Variants in DRC4 observed in about 807,000 individuals in gnomAD.
DRC4 encodes GAS-11.
chr16:90,042,508 G>A, the DRC4 span: 4 of 1,613,860 alleles, frequency 2.5e-6, no homozygotes, highest in Non-Finnish European at 3.4e-6. Context: ...TCAAGGACCT[G>A]CAGTATGAGC....
At chr16:90,036,013 G>A in the DRC4 span, 3 of 982,984 alleles carry the variant, frequency 3.1e-6, no homozygotes, top group Non-Finnish European at 2.8e-6. Flanking sequence ...CCTGGTCTGA[G>A]AAGGCTCCAA....
At chr16:90,036,846 T>C in the DRC4 span, 1 of 615,838 alleles carries the variant, frequency 1.6e-6, no homozygotes, top group East Asian at 2.9e-5. Flanking sequence ...TTCTGGTTTG[T>C]AAAAGCTCAG....
At chr16:90,036,983 C>T in the DRC4 span, 13 of 567,354 alleles carry the variant, frequency 2.3e-5, no homozygotes, top group African/African-American at 5.6e-5. Context: ...CAGTAGACAA[C>T]GGCCCTTGGT....
chr16:90,040,498 C>A, the DRC4 span: 1 of 1,600,904 alleles, frequency 6.2e-7, no homozygotes. Flanking sequence ...GCTGGTGTCC[C>A]GCAAGCTGGA....
the DRC4 span, chr16:90,033,046 A>G: frequency 9.8e-7 from 1 of 1,020,952 alleles, no homozygotes; most frequent in Non-Finnish European, 1.4e-6. Flanking sequence ...GACTTTCTGC[A>G]TTTTTGCAAT....
the DRC4 span, chr16:90,029,230 C>T: frequency 4.4e-6 from 6 of 1,366,436 alleles, no homozygotes; most frequent in South Asian, 6.8e-5. Flanking sequence ...GGCCCTTGCA[C>T]TGCACATCGC....
the DRC4 span, chr16:90,037,172 G>A: frequency 1.3e-6 from 2 of 1,506,106 alleles, no homozygotes; most frequent in South Asian, 2.7e-5. Flanking sequence ...CACCATGCAG[G>A]CCACAGCCCC....
the DRC4 span, among the ~76,000 whole-genome samples, chr16:90,038,433 G>A: frequency 3.9e-5 from 6 of 152,206 alleles, no homozygotes; most frequent in African/African-American, 7.2e-5. Flanking sequence ...TTGGTGCTGC[G>A]TTTTGTGAAC....
the DRC4 span, chr16:90,029,142 G>A: frequency 9.7e-6 from 13 of 1,336,630 alleles, no homozygotes; most frequent in Middle Eastern, 4.2e-4. Flanking sequence ...TGGAGCCTAC[G>A]GGGCAGCCTA....
At chr16:90,044,317 C>T in the DRC4 span, 1 of 421,482 alleles carries the variant, frequency 2.4e-6, no homozygotes, top group Non-Finnish European at 4.7e-6. Context: ...CGGGTGTGTC[C>T]TCGTAGAGTC....
the DRC4 span, among the ~76,000 whole-genome samples, chr16:90,038,392 T>C: frequency 6.6e-6 from 1 of 152,236 alleles, no homozygotes; most frequent in African/African-American, 2.4e-5. Flanking sequence ...AGGCTGCACA[T>C]AGGAAGCGGT....
At chr16:90,036,152 CA>C in the DRC4 span, 171 of 584,160 alleles carry the variant, frequency 2.9e-4, no homozygotes, top group Middle Eastern at 9.1e-4. Context: ...GAGCGATTAG[CA>C]ATGCCTGTCA....
the DRC4 span, chr16:90,035,642 G>A: frequency 4.3e-6 from 7 of 1,614,168 alleles, no homozygotes; most frequent in African/African-American, 1.3e-5. Context: ...GAAACACACC[G>A]AGGAGATCAC....
the DRC4 span, chr16:90,032,637 T>C: frequency 2.3e-6 from 3 of 1,315,524 alleles, no homozygotes; most frequent in South Asian, 1.2e-5. Flanking sequence ...AGGTGTGCTA[T>C]GGGTGACCAG....
chr16:90,031,579 C>A, the DRC4 span: 1 of 1,396,358 alleles, frequency 7.2e-7, no homozygotes, highest in Non-Finnish European at 9.7e-7. Flanking sequence ...GCAGGTGGGA[C>A]ATTTTCTGTT....
At chr16:90,036,880 A>G in the DRC4 span, 1 of 582,824 alleles carries the variant, frequency 1.7e-6, no homozygotes, top group Non-Finnish European at 3.1e-6. Context: ...GAGGGCCGTG[A>G]TGTGGCTGGA....
the DRC4 span, among the ~76,000 whole-genome samples, chr16:90,039,318 G>A: frequency 0.32 from 48,026 of 152,100 alleles, 8,355 homozygotes; most frequent in Middle Eastern, 0.44. Context: ...CTAGAGAACC[G>A]AGAGCTCAAA....
the DRC4 span, among the ~76,000 whole-genome samples, chr16:90,026,429 C>T: frequency 6.6e-6 from 1 of 152,152 alleles, no homozygotes; most frequent in Non-Finnish European, 1.5e-5. Flanking sequence ...GCTTTCTTGA[C>T]CAGGCTTCTC....
the DRC4 span, chr16:90,032,918 G>A: frequency 4.5e-5 from 73 of 1,613,030 alleles, no homozygotes; most frequent in Non-Finnish European, 2.5e-6. Context: ...TGAAGAACCT[G>A]CGGCTGGTAG....
Sources: allele counts gnomAD v4.1 joint callset (sites outside exome capture counted in the v4.1 genomes callset), GRCh38; gene constraint gnomAD v4.1.1; transcripts MANE v1.5; gene names NCBI Gene and HGNC (gene_info 2026-07-23, HGNC 2026-07-21).